Variants in MTBP observed in about 807,000 individuals in gnomAD.
MTBP encodes the protein mdm2-binding protein.
MTBP carries 101 observed loss-of-function variants against 117.0 expected under a neutral mutation model. The ratio of observed to expected loss-of-function variants is 0.86; its 90% confidence interval spans 0.73 to 1.02. MTBP has a LOEUF of 1.02. Among genes scored for constraint, MTBP ranks in the 50% least tolerant of loss-of-function variants. The pLI is 0.00. For synonymous variants in MTBP, 350 were observed against 351.5 expected, an observed-to-expected ratio of 1.00 and a Z score of 0.05; for missense variants, 970 against 1,030.9, an observed-to-expected ratio of 0.94 and a Z score of 0.81.
rs1474238072 is a variant in MTBP, at chr8:120,502,496, T to C, written c.1614T>C (p.Phe538=). The change falls in exon 15 of 22, where the codon TTT becomes TTC. Residue 538 remains phenylalanine (F), a synonymous_variant. Coordinates refer to ENST00000305949, the MANE Select transcript of MTBP (RefSeq NM_022045.5). ...TGTGTATTTCTTTCACTTTAGATTT[T>C]AGTCCAGTGGAACCTAATTCCTCAA... ...KIKTFNILND[F]SPVEPNSSSL... The C allele has an allele frequency of 3.2e-6, 5 of 1,579,338 alleles. No individual in the cohort carries two copies. Among genetic ancestry groups the C allele is most frequent in the Non-Finnish European group, 3.4e-6 (4 of 1,162,722 alleles).
chr8:120,450,568 G>T (rs1295317029), intron 2 of MTBP, among the ~76,000 whole-genome samples: 1 of 151,972 alleles, frequency 6.6e-6, no homozygotes, highest in African/African-American at 2.4e-5. Flanking sequence ...TTTAGACTGG[G>T]TTTGCTCTTT....
intron 17 of MTBP, among the ~76,000 whole-genome samples, chr8:120,510,877 T>C (rs1189187076): frequency 3.3e-5 from 5 of 150,954 alleles, no homozygotes; most frequent in African/African-American, 1.2e-4. Context: ...GCCACTGCAC[T>C]CCTGCTGGGT....
In MTBP at chr8:120,501,970, G is replaced by T. The variant is rs1814595594; in HGVS notation, c.1610-522G>T. On this transcript the variant is annotated intron_variant, in intron 14 of 21. Coordinates refer to ENST00000305949, the MANE Select transcript of MTBP (RefSeq NM_022045.5). The stretch of plus-strand genomic sequence containing the variant: ...AACACTGCATGTTAGTGATTTGAAG[G>T]TGTGTATGTTTAACCATCTTGGTTT... 2.6e-5 allele frequency among the ~76,000 whole-genome samples: 4 copies of T among 152,142 alleles called. No homozygotes were observed. The South Asian group carries it at 8.3e-4, about 31-fold the overall frequency.
At chr8:120,480,367 G>A (rs894927873) in intron 11 of MTBP, among the ~76,000 whole-genome samples, 40 of 152,030 alleles carry the variant, frequency 2.6e-4, no homozygotes, top group Non-Finnish European at 1.8e-4. Flanking sequence ...CCGAGATCAC[G>A]CCACTGCACT....
At chr8:120,454,967 T>A (rs1813436582) in intron 5 of MTBP, among the ~76,000 whole-genome samples, 1 of 151,980 alleles carries the variant, frequency 6.6e-6, no homozygotes, top group Admixed American at 6.6e-5. Flanking sequence ...TTTATTGTCC[T>A]TTATAAAAGA....
intron 11 of MTBP, among the ~76,000 whole-genome samples, chr8:120,478,049 T>C (rs1451366047): frequency 6.6e-6 from 1 of 152,182 alleles, no homozygotes; most frequent in African/African-American, 2.4e-5. Context: ...GTGGCACATA[T>C]ACACCATGGA....
At chr8:120,493,469 T>C (rs934222152) in intron 13 of MTBP, among the ~76,000 whole-genome samples, 2 of 151,346 alleles carry the variant, frequency 1.3e-5, no homozygotes, top group Non-Finnish European at 2.9e-5. Context: ...TGTGTGTGTA[T>C]GTGTGTGTGG....
chr8:120,510,093 G>C (rs1814769170), intron 17 of MTBP, 64 bp downstream of exon 17: 4 of 1,162,522 alleles, frequency 3.4e-6, no homozygotes, highest in Non-Finnish European at 4.9e-6. Context: ...TGTGTGAAGA[G>C]TGACTTTAAT....
chr8:120,517,296 C>A (rs1814935995), intron 18 of MTBP, among the ~76,000 whole-genome samples: 1 of 151,932 alleles, frequency 6.6e-6, no homozygotes. Flanking sequence ...TGTGGTGTTT[C>A]TGTTCAAATT....
At chr8:120,485,873 C>A (rs977635606) in intron 11 of MTBP, among the ~76,000 whole-genome samples, 3 of 152,120 alleles carry the variant, frequency 2.0e-5, no homozygotes, top group African/African-American at 4.8e-5. Context: ...GAGGGTGCGG[C>A]CTTCAGTGTG....
At chr8:120,496,531 C>A (rs1353140987) in intron 13 of MTBP, among the ~76,000 whole-genome samples, 1 of 152,096 alleles carries the variant, frequency 6.6e-6, no homozygotes, top group African/African-American at 2.4e-5. Context: ...TTTTCTCTGA[C>A]AGCATTCAGT....
chr8:120,475,885 A>G (rs1813924402), intron 11 of MTBP, among the ~76,000 whole-genome samples: 2 of 152,090 alleles, frequency 1.3e-5, no homozygotes, highest in Admixed American at 6.6e-5. Flanking sequence ...ACCTAAACAA[A>G]TCATAGATAA....
chr8:120,490,352 G>A, intron 12 of MTBP, 111 bp from the exon 13 acceptor site: 1 of 653,348 alleles, frequency 1.5e-6, no homozygotes, highest in South Asian at 1.8e-5. Context: ...GTGAGTGATT[G>A]ACTTTTATTT....
Position 120,445,437 on chromosome 8 carries a change from C to G in MTBP, c.-34C>G. 3 of 1,577,672 alleles carry G rather than the reference C, an allele frequency of 1.9e-6. No individual in the cohort carries two copies. The highest frequency in any genetic ancestry group is 2.2e-5 in the East Asian group (1 of 44,674). ...CGCGCGTCTGTTTGGATGTGGAAGCCGAGACCTAAAGTTGGGGGGTGATCT... is the reference window on the plus strand; with the variant it reads ...CGCGCGTCTGTTTGGATGTGGAAGCGGAGACCTAAAGTTGGGGGGTGATCT... On this transcript the variant is annotated 5_prime_UTR_variant, in exon 1 of 22. Coordinates refer to ENST00000305949, the MANE Select transcript of MTBP (RefSeq NM_022045.5).
At chr8:120,476,007 C>T (rs1215973409) in intron 11 of MTBP, among the ~76,000 whole-genome samples, 1 of 151,930 alleles carries the variant, frequency 6.6e-6, no homozygotes, top group African/African-American at 2.4e-5. Flanking sequence ...TTAAAAAAAC[C>T]TTTATATTAC....
chr8:120,481,432 A>T (rs536087737), intron 11 of MTBP, among the ~76,000 whole-genome samples: 8 of 132,614 alleles, frequency 6.0e-5, no homozygotes, highest in Non-Finnish European at 8.6e-5. Context: ...AATATTTATC[A>T]TCTGGTGAAG....
rs766480058 is a variant in MTBP at position 120,522,649 on chromosome 8, T to A, written c.2611-5T>A. ...TTGTAAAATGCTGTATTTTATTATG[T>A]TTAGGATCTTAAAACTTCAAGGGGT... On this transcript the variant is annotated splice_region_variant and splice_polypyrimidine_tract_variant and intron_variant, in intron 20 of 21. Coordinates refer to ENST00000305949, the MANE Select transcript of MTBP (RefSeq NM_022045.5). 2.3e-5 allele frequency: 36 copies of A among 1,576,420 alleles called. No individual in the cohort carries two copies. In the East Asian group the frequency reaches 8.1e-4, roughly 35 times the overall value.
chr8:120,485,572 C>T (rs991479848), intron 11 of MTBP, among the ~76,000 whole-genome samples: 1 of 152,024 alleles, frequency 6.6e-6, no homozygotes, highest in Admixed American at 6.6e-5. Flanking sequence ...GTTCTTTAAA[C>T]GTATTTATAA....
rs191783292 is a variant in MTBP, at chr8:120,520,552, G to A, written c.2610+1735G>A. Among the ~76,000 whole-genome samples the A allele has an allele frequency of 4.5e-3, 691 of 152,182 alleles. 8 individuals carry two copies. Among genetic ancestry groups the A allele is most frequent in the African/African-American group, 0.015 (642 of 41,534 alleles). On this transcript the variant is annotated intron_variant, in intron 20 of 21. Coordinates refer to ENST00000305949, the MANE Select transcript of MTBP (RefSeq NM_022045.5). Reference sequence around the variant, plus strand: ...AAGTTTTCCAGGAGTGGACACAAGCGTCCTAGCTTGTCCAAGCCAATGAAT... The same window carrying A: ...AAGTTTTCCAGGAGTGGACACAAGCATCCTAGCTTGTCCAAGCCAATGAAT...
Sources: gnomAD v4.1 joint callset for allele counts (sites outside exome capture counted in the v4.1 genomes callset) on GRCh38, gnomAD v4.1.1 for gene constraint, MANE v1.5 for transcripts, NCBI Gene and HGNC (gene_info 2026-07-23, HGNC 2026-07-21) for gene names.